TEX9: variants seen among roughly 807,000 people sequenced by gnomAD.
TEX9 encodes the protein testis expressed 9.
A neutral mutation model predicts 59.6 loss-of-function variants in TEX9; 74 were observed. The observed-to-expected ratio is 1.24, with a 90% CI of 1.03 to 1.51. The LOEUF (loss-of-function observed/expected upper bound fraction) is 1.51. TEX9 is among the 40% of genes most tolerant of loss of function. TEX9 has a pLI of 0.00. For synonymous variants in TEX9, 186 were observed against 152.2 expected (o/e 1.22, Z -1.64); for missense variants, 522 against 447.8 (o/e 1.17, Z -1.49).
intron 1 of TEX9, among the ~76,000 whole-genome samples, chr15:56,327,610 G>A (rs74588215): frequency 0.059 from 8,960 of 152,214 alleles, 670 homozygotes; most frequent in East Asian, 0.37. Flanking sequence ...GGGTAAGAAA[G>A]ACAATCTCGA....
At chr15:56,451,490 A>G in the TEX9 span, among the ~76,000 whole-genome samples, 2 of 151,876 alleles carry the variant, frequency 1.3e-5, no homozygotes, top group Admixed American at 6.6e-5. Flanking sequence ...TTGTTTTCTG[A>G]TGTTTGTAGT....
intron 10 of TEX9, among the ~76,000 whole-genome samples, chr15:56,416,447 T>A (rs1203722404): frequency 6.6e-6 from 1 of 151,974 alleles, no homozygotes; most frequent in African/African-American, 2.4e-5. Flanking sequence ...ATTGAAAGCC[T>A]GTTCTGCATC....
chr15:56,376,954 C>G (rs750456699), intron 3 of TEX9, among the ~76,000 whole-genome samples: 1 of 152,030 alleles, frequency 6.6e-6, no homozygotes, highest in Non-Finnish European at 1.5e-5. Flanking sequence ...GGGGTCTAGT[C>G]TTCTTCTTCT....
the TEX9 span, among the ~76,000 whole-genome samples, chr15:56,451,753 C>T: frequency 6.6e-6 from 1 of 152,036 alleles, no homozygotes; most frequent in African/African-American, 2.4e-5. Context: ...ATAAACCTGT[C>T]GTAAATTGAA....
chr15:56,275,474 C>T (rs983325540), intron 1 of TEX9, among the ~76,000 whole-genome samples: 6 of 152,140 alleles, frequency 3.9e-5, no homozygotes, highest in East Asian at 1.9e-4. Flanking sequence ...GGTGCAAATT[C>T]GTGTCATGTA....
intron 10 of TEX9, among the ~76,000 whole-genome samples, chr15:56,416,498 T>G (rs1337453549): frequency 6.6e-6 from 1 of 152,092 alleles, no homozygotes; most frequent in South Asian, 2.1e-4. Context: ...TCTGTTTATG[T>G]GATAAATTGC....
At chr15:56,433,358 C>A (rs1232835266) in intron 12 of TEX9, among the ~76,000 whole-genome samples, 1 of 151,946 alleles carries the variant, frequency 6.6e-6, no homozygotes, top group Admixed American at 6.6e-5. Flanking sequence ...AGCAAACCAC[C>A]ATGGCACATG....
chr15:56,281,043 T>C (rs1234257103), intron 1 of TEX9, among the ~76,000 whole-genome samples: 1 of 152,080 alleles, frequency 6.6e-6, no homozygotes, highest in African/African-American at 2.4e-5. Context: ...AAGAAAGGCA[T>C]TGTCTGTGAT....
intron 9 of TEX9, among the ~76,000 whole-genome samples, chr15:56,403,240 C>T (rs928892356): frequency 1.2e-4 from 18 of 152,328 alleles, no homozygotes; most frequent in African/African-American, 2.6e-4. Flanking sequence ...AAAACCCCAT[C>T]GTCTCAGCCC....
At chr15:56,380,467 T>A (rs941817926) in intron 3 of TEX9, among the ~76,000 whole-genome samples, 1 of 152,222 alleles carries the variant, frequency 6.6e-6, no homozygotes, top group Admixed American at 6.5e-5. Flanking sequence ...TACAGTGTTA[T>A]AATATTCTGT....
chr15:56,302,468 C>T (rs762006434), intron 1 of TEX9, among the ~76,000 whole-genome samples: 3 of 152,064 alleles, frequency 2.0e-5, no homozygotes, highest in Non-Finnish European at 4.4e-5. Context: ...CTGTAGCGAG[C>T]CATGATTGCA....
intron 9 of TEX9, among the ~76,000 whole-genome samples, chr15:56,400,327 C>T (rs1268198356): frequency 1.3e-5 from 2 of 152,096 alleles, no homozygotes; most frequent in Non-Finnish European, 2.9e-5. Context: ...CACGAAAACT[C>T]CGTGATGCGT....
chr15:56,270,165 C>G (rs1326972288), intron 1 of TEX9, among the ~76,000 whole-genome samples: 4 of 152,126 alleles, frequency 2.6e-5, no homozygotes, highest in Non-Finnish European at 1.5e-5. Flanking sequence ...ATTAGGTCTG[C>G]TTGGTGCAGA....
chr15:56,398,963 C>T (rs764150090), intron 9 of TEX9, among the ~76,000 whole-genome samples: 1 of 152,168 alleles, frequency 6.6e-6, no homozygotes, highest in African/African-American at 2.4e-5. Context: ...GAAACCCTGT[C>T]TCTACTAAAA....
intron 3 of TEX9, 76 bp downstream of exon 3, chr15:56,373,580 T>C (rs767502136): frequency 3.3e-6 from 4 of 1,229,618 alleles, no homozygotes; most frequent in Non-Finnish European, 3.3e-6. Context: ...ATATGACATA[T>C]ATACAAAACA....
intron 6 of TEX9, 149 bp from the exon 7 acceptor site, chr15:56,391,094 A>C (rs2048187543): frequency 4.7e-6 from 2 of 422,538 alleles, no homozygotes; most frequent in African/African-American, 4.1e-5. Flanking sequence ...TAATCCTTAA[A>C]AATATCAATT....
chr15:56,268,988 T>G (rs2044457821), intron 1 of TEX9, among the ~76,000 whole-genome samples: 1 of 152,202 alleles, frequency 6.6e-6, no homozygotes, highest in Non-Finnish European at 1.5e-5. Context: ...TATTAATGAT[T>G]GCCTCAATTT....
intron 1 of TEX9, among the ~76,000 whole-genome samples, chr15:56,355,736 T>A (rs1177059194): frequency 6.6e-6 from 1 of 152,258 alleles, no homozygotes; most frequent in Middle Eastern, 3.4e-3. Context: ...TCTGTTTAGT[T>A]ATCTTTGATA....
chr15:56,382,600 C>A (rs1319789817), intron 3 of TEX9, among the ~76,000 whole-genome samples: 1 of 152,108 alleles, frequency 6.6e-6, no homozygotes, highest in African/African-American at 2.4e-5. Flanking sequence ...AGAACTGGGT[C>A]CTTCCCTTCA....
Sources: gnomAD v4.1 joint callset for allele counts (sites outside exome capture counted in the v4.1 genomes callset) on GRCh38, gnomAD v4.1.1 for gene constraint, MANE v1.5 for transcripts, NCBI Gene and HGNC (gene_info 2026-07-23, HGNC 2026-07-21) for gene names.